LTBP2: variants seen among roughly 807,000 people sequenced by gnomAD.
LTBP2 encodes the protein latent-transforming growth factor beta-binding protein 2.
In LTBP2, 103 loss-of-function variants were observed where a neutral mutation model predicts 210.6. That is an observed-to-expected ratio of 0.49 (90% CI 0.42 to 0.58). LTBP2 has a LOEUF of 0.58. Among genes scored for constraint, LTBP2 ranks in the 20% least tolerant of loss-of-function variants. The pLI is 0.00. For synonymous variants in LTBP2, 1,007 were observed against 1,015.0 expected, an observed-to-expected ratio of 0.99 and a Z score of 0.15; for missense variants, 2,313 against 2,494.5, an observed-to-expected ratio of 0.93 and a Z score of 1.55.
chr14:74,522,432 G>A (rs921755948), intron 16 of LTBP2, among the ~76,000 whole-genome samples: 16 of 152,140 alleles, frequency 1.1e-4, no homozygotes, highest in Non-Finnish European at 1.8e-4. Flanking sequence ...TGACCCTGGT[G>A]GAGACATTTG....
chr14:74,506,886 C>CAT (rs1363848132), intron 26 of LTBP2, 63 bp from the exon 27 acceptor site: 29 of 1,575,476 alleles, frequency 1.8e-5, no homozygotes, highest in Middle Eastern at 3.5e-4. Context: ...TGTGCGCGCG[C>CAT]GCGTGTGTGC....
At chr14:74,560,735 GA>G (rs1199415789) in intron 3 of LTBP2, among the ~76,000 whole-genome samples, 3 of 151,962 alleles carry the variant, frequency 2.0e-5, no homozygotes, top group Admixed American at 6.6e-5. Flanking sequence ...TATTTGGGGG[GA>G]AAACCCCCAA....
At chr14:74,541,405 G>A (rs774123340) in intron 8 of LTBP2, among the ~76,000 whole-genome samples, 1 of 152,054 alleles carries the variant, frequency 6.6e-6, no homozygotes, top group South Asian at 2.1e-4. Context: ...GGCTTTACAC[G>A]AATTAACTTA....
At chr14:74,596,988 C>T (rs997494531) in intron 2 of LTBP2, among the ~76,000 whole-genome samples, 11 of 152,144 alleles carry the variant, frequency 7.2e-5, no homozygotes, top group Admixed American at 3.3e-4. Flanking sequence ...TGAATTTGGG[C>T]GTCATTGGCC....
chr14:74,564,059 ATT>A (rs1318649115), intron 3 of LTBP2, among the ~76,000 whole-genome samples: 1 of 54,254 alleles, frequency 1.8e-5, no homozygotes, highest in Non-Finnish European at 3.2e-5. Flanking sequence ...TTATATATAT[ATT>A]TATATATATA....
chr14:74,504,875 C>G lies in LTBP2; in HGVS notation c.4370-14G>C. 2 of 1,613,970 alleles carry G rather than the reference C, an allele frequency of 1.2e-6. No homozygotes were observed. The highest frequency in any genetic ancestry group is 1.7e-6 in the Non-Finnish European group (2 of 1,179,798). ...CGCTGAATTCAGCTATGTAGAGAGG[C>G]GTTTCAGCTCAGAGTGGGGAGGGCC... On this transcript the variant is annotated splice_polypyrimidine_tract_variant and intron_variant, in intron 29 of 35. Transcript: ENST00000261978.
At chr14:74,529,846 C>G (rs1025692906) in intron 10 of LTBP2, among the ~76,000 whole-genome samples, 1 of 152,090 alleles carries the variant, frequency 6.6e-6, no homozygotes, top group Non-Finnish European at 1.5e-5. Context: ...GAGGCCATGC[C>G]AGGTTGGAAG....
intron 2 of LTBP2, among the ~76,000 whole-genome samples, chr14:74,594,820 G>C (rs2088335500): frequency 1.3e-5 from 2 of 152,140 alleles, no homozygotes; most frequent in African/African-American, 4.8e-5. Flanking sequence ...ATCCACCCTC[G>C]GAATCCACCT....
Position 74,553,026 on chromosome 14 carries a change from A to T in LTBP2, c.1058T>A (p.Ile353Asn). The T allele has an allele frequency of 6.2e-7, 1 of 1,614,112 alleles. No homozygotes were observed. Among genetic ancestry groups the T allele is most frequent in the East Asian group, 2.2e-5 (1 of 44,880 alleles). ...CTTGCAGATGGTGGGAGTGAAGACG[A>T]TCTTGATCTTCTTGATTTTCTCCGT... is the stretch of plus-strand genomic sequence containing the variant. ...NLTEKIKKIK[I>N]VFTPTICKQT... Residue 353 changes from isoleucine (I) to asparagine (N), a missense_variant, in exon 5 of 36, where the codon ATC becomes AAC. Physicochemically the swap from Ile to Asn is moderately radical, Grantham distance 149 (BLOSUM62 -3). Around this residue, in one of 3 missense-constraint regions of LTBP2, gnomAD observed 1,867 missense variants for 1,976.9 expected, o/e 0.94. Transcript: ENST00000261978.
At position 74,611,630 on chromosome 14, in the gene LTBP2, C is replaced by A; in HGVS notation, c.315G>T (p.Arg105Ser). ...PRRPTEAEAR[R>S]PSRAQQSRRV... ...GCCGCGACTGCTGCGCGCGGGACGG[C>A]CTCCTGGCCTCCGCCTCGGTGGGCC... Residue 105 changes from arginine to serine, a missense_variant, in exon 1 of 36, where the codon AGG becomes AGT. Physicochemically the swap from Arg to Ser is moderately radical, Grantham distance 110. Around this residue, in one of 3 missense-constraint regions of LTBP2, gnomAD observed 1,867 missense variants for 1,976.9 expected, o/e 0.94. Transcript: ENST00000261978. 1 of 1,557,594 alleles carries A rather than the reference C, an allele frequency of 6.4e-7. No individual in the cohort carries two copies. The highest frequency in any genetic ancestry group is 8.6e-7 in the Non-Finnish European group (1 of 1,157,318).
chr14:74,503,286 C>T lies in LTBP2; in HGVS notation c.4821G>A (p.Thr1607=), dbSNP rs139030976. 643 of 1,614,090 alleles carry T rather than the reference C, an allele frequency of 4.0e-4. 1 individual carries two copies. Among genetic ancestry groups the T allele is most frequent in the Middle Eastern group, 4.0e-3 (24 of 6,062 alleles). ...EPLRGHRTTY[T]ECCCQDGEAW... The stretch of plus-strand genomic sequence containing the variant: ...CCTCGCCGTCCTGGCAGCAGCATTC[C>T]GTGTAGGTGGTGCGGTGCCCACGCA... The change falls in exon 33 of 36, where the codon ACG becomes ACA. Residue 1607 remains threonine (T), a synonymous_variant. Transcript: ENST00000261978.
chr14:74,548,625 G>A (rs780334574), intron 8 of LTBP2, among the ~76,000 whole-genome samples: 2 of 152,194 alleles, frequency 1.3e-5, no homozygotes, highest in Non-Finnish European at 2.9e-5. Flanking sequence ...GGGAGACCTG[G>A]GCAGTTTGAT....
chr14:74,567,825 C>A (rs1354822227), intron 3 of LTBP2, among the ~76,000 whole-genome samples: 1 of 152,174 alleles, frequency 6.6e-6, no homozygotes, highest in African/African-American at 2.4e-5. Context: ...GGAACCATCT[C>A]CCCAGCCCTA....
Position 74,529,112 on chromosome 14 carries a change from TG to T in LTBP2, c.1997del (p.Ala666GlufsTer76). The part of the protein sequence containing the change: ...PSRSRCVSDK[A>X]ISMLQGLCYR... ...AGCACAGTCCCTGCAGCATGGAGAT[TG>T]CCTTGTCCGCTGCAACAGACACAGC... On this transcript the variant is annotated frameshift_variant, in exon 11 of 36. Transcript: ENST00000261978. LOFTEE classifies it high-confidence loss of function. The T allele has an allele frequency of 1.9e-6, 3 of 1,551,846 alleles. No homozygotes were observed. The highest frequency in any genetic ancestry group is 2.6e-6 in the Non-Finnish European group (3 of 1,147,402).
intron 3 of LTBP2, among the ~76,000 whole-genome samples, chr14:74,570,372 C>T (rs1023493229): frequency 6.6e-6 from 1 of 152,124 alleles, no homozygotes; most frequent in Non-Finnish European, 1.5e-5. Flanking sequence ...TGTGTTTACC[C>T]CACTCGTGGG....
intron 8 of LTBP2, among the ~76,000 whole-genome samples, chr14:74,542,262 A>G (rs2087517603): frequency 6.6e-6 from 1 of 152,182 alleles, no homozygotes; most frequent in Non-Finnish European, 1.5e-5. Context: ...TTGCTCACAA[A>G]CTGAAGAAAG....
At chr14:74,519,295 C>G (rs910995173) in intron 17 of LTBP2, among the ~76,000 whole-genome samples, 36 of 151,952 alleles carry the variant, frequency 2.4e-4, no homozygotes, top group Non-Finnish European at 4.4e-4. Flanking sequence ...ATTTCTAAAC[C>G]CGGCCAAGAA....
At chr14:74,547,565 G>A (rs1001856437) in intron 8 of LTBP2, among the ~76,000 whole-genome samples, 1 of 152,178 alleles carries the variant, frequency 6.6e-6, no homozygotes, top group African/African-American at 2.4e-5. Flanking sequence ...AGATTCCAGA[G>A]GCAACAGCGT....
rs138932323 is a variant in LTBP2, at chr14:74,501,000, G to C, written c.5350C>G (p.Pro1784Ala). The C allele has an allele frequency of 2.1e-5, 34 of 1,613,888 alleles. No individual in the cohort carries two copies. The highest frequency in any genetic ancestry group is 2.7e-5 in the Non-Finnish European group (32 of 1,179,964). The change falls in exon 36 of 36, where the codon CCT becomes GCT. Residue 1784 changes from proline (P) to alanine (A), a missense_variant. Pro to Ala is a conservative substitution (Grantham distance 27, BLOSUM62 -1). Transcript: ENST00000261978. ...DVNECDDLNG[P>A]AVLCVHGYCE... Reference sequence around the variant, plus strand: ...TAACCATGGACACAGAGCACAGCAGGCCCGTTCAAGTCATCACACTCATTC... The same window carrying C: ...TAACCATGGACACAGAGCACAGCAGCCCCGTTCAAGTCATCACACTCATTC...
Sources: gnomAD v4.1 joint callset for allele counts (sites outside exome capture counted in the v4.1 genomes callset) on GRCh38, gnomAD v4.1.1 for gene constraint, gnomAD v4.1.1 regional missense constraint, MANE v1.5 for transcripts, NCBI Gene and HGNC (gene_info 2026-07-23, HGNC 2026-07-21) for gene names.